GAK: variants seen among roughly 807,000 people sequenced by gnomAD.
GAK encodes cyclin G associated kinase.
Under a neutral mutation model 143.9 loss-of-function variants are expected in GAK, and 79 were observed. The observed-to-expected ratio is 0.55, with a 90% confidence interval of 0.46 to 0.66. GAK has a LOEUF of 0.66. Ranked by LOEUF, GAK falls within the 30% of genes least tolerant of loss-of-function variation. The pLI, the probability that GAK is intolerant of heterozygous loss-of-function variation, is 0.00. For synonymous variants in GAK, 881 were observed against 765.5 expected, an observed-to-expected ratio of 1.15 and a Z score of -2.49; for missense variants, 1,693 against 1,779.7, an observed-to-expected ratio of 0.95 and a Z score of 0.88.
chr4:915,054 AACACACACAGTCCCAGCGTGCACGGC>A (rs1722887222), intron 1 of GAK, among the ~76,000 whole-genome samples: 3 of 75,372 alleles, frequency 4.0e-5, no homozygotes, highest in Non-Finnish European at 7.5e-5. Flanking sequence ...GCACACGGCC[AACACACACAGTCCCAGCGTGCACGGC>A]CCCACACACA....
At chr4:912,859 A>T in intron 2 of GAK, 65 bp from the exon 3 acceptor site, 1 of 1,383,198 alleles carries the variant, frequency 7.2e-7, no homozygotes, top group Non-Finnish European at 1.0e-6. Context: ...CACCCGATGC[A>T]TCATCTCAGA....
chr4:899,777 G>A (rs1270649474), intron 5 of GAK, among the ~76,000 whole-genome samples: 1 of 152,218 alleles, frequency 6.6e-6, no homozygotes, highest in Non-Finnish European at 1.5e-5. Context: ...TAGAGAGGAC[G>A]CCTGCTCCGC....
intron 24 of GAK, chr4:852,214 A>G (rs2152679534): frequency 1.7e-6 from 1 of 585,296 alleles, no homozygotes. Context: ...ACACCAGGAC[A>G]GGGCAGCTGT....
chr4:902,611 A>AAAAAAAAAAAAAAAAC (rs1560401685), intron 5 of GAK, among the ~76,000 whole-genome samples: 1 of 149,830 alleles, frequency 6.7e-6, no homozygotes, highest in African/African-American at 2.5e-5. Flanking sequence ...AAAAAAAAAA[A>AAAAAAAAAAAAAAAAC]AAACCCCAAA....
chr4:916,416 G>A (rs79522619), intron 1 of GAK, among the ~76,000 whole-genome samples: 6 of 152,136 alleles, frequency 3.9e-5, no homozygotes, highest in East Asian at 3.9e-4. Context: ...CACCACACCC[G>A]GCTAATTTTT....
chr4:884,721 C>CAG (rs1039345383), intron 11 of GAK, among the ~76,000 whole-genome samples: 5 of 152,228 alleles, frequency 3.3e-5, no homozygotes, highest in Non-Finnish European at 7.3e-5. Flanking sequence ...TCACTGGCAG[C>CAG]AGCAGCTGTG....
chr4:864,184 C>A (rs1170916027), intron 23 of GAK, among the ~76,000 whole-genome samples: 2 of 152,024 alleles, frequency 1.3e-5, no homozygotes, highest in African/African-American at 4.8e-5. Flanking sequence ...CATGGCAAAA[C>A]TTTGTCTCCA....
At chr4:905,668 T>C (rs1222390905) in intron 4 of GAK, among the ~76,000 whole-genome samples, 1 of 142,738 alleles carries the variant, frequency 7.0e-6, no homozygotes, top group Non-Finnish European at 1.5e-5. Context: ...CTCTGCCACG[T>C]TGGGCCACAT....
intron 2 of GAK, among the ~76,000 whole-genome samples, chr4:913,396 G>A (rs1248579628): frequency 6.6e-6 from 1 of 152,170 alleles, no homozygotes; most frequent in East Asian, 1.9e-4. Flanking sequence ...AGGGCAGGCA[G>A]GGCCACAGGA....
rs372718341 is a variant in GAK, at chr4:867,153, G to A, written c.2675C>T (p.Ala892Val). 6 of 1,597,692 alleles carry A rather than the reference G, an allele frequency of 3.8e-6. No homozygotes were observed. The African/African-American group carries it at 8.0e-5, about 21-fold the overall frequency. Residue 892 changes from alanine to valine, a missense_variant, in exon 21 of 28, where the codon GCA becomes GTA. This residue lies in a region of GAK where 822 missense variants were observed against 788.7 expected (regional missense o/e 1.04). Coordinates refer to ENST00000314167, the MANE Select transcript of GAK (RefSeq NM_005255.4). ...GGCCTGCGGGGGTACAGCTGGCCCT[G>A]CGCCCACCTCGGAGTGCAGGCCCAG... ...DLLGLHSEVG[A>V]GPAVPPQACK...
chr4:890,489 C>G, intron 10 of GAK, 43 bp downstream of exon 10: 1 of 1,480,718 alleles, frequency 6.8e-7, no homozygotes, highest in South Asian at 1.2e-5. Flanking sequence ...CGGGGTGCAG[C>G]AGGAGCGAGG....
chr4:851,686 C>G, intron 25 of GAK, 64 bp downstream of exon 25: 1 of 1,512,056 alleles, frequency 6.6e-7, no homozygotes, highest in Non-Finnish European at 9.1e-7. Flanking sequence ...AACATAGGTT[C>G]TACCTTTAGC....
intron 16 of GAK, among the ~76,000 whole-genome samples, 183 bp from the exon 17 acceptor site, chr4:877,390 C>G (rs1178943165): frequency 1.3e-5 from 2 of 152,134 alleles, no homozygotes; most frequent in Non-Finnish European, 2.9e-5. Flanking sequence ...TCCCTGTGAC[C>G]TCCTGCTGCT....
At chr4:902,787 A>C (rs1322972094) in intron 5 of GAK, among the ~76,000 whole-genome samples, 1 of 152,100 alleles carries the variant, frequency 6.6e-6, no homozygotes, top group African/African-American at 2.4e-5. Context: ...CCGGCAGCAC[A>C]GGCGACACTT....
At chr4:890,670 C>G in intron 9 of GAK, 48 bp from the exon 10 acceptor site, 1 of 1,503,352 alleles carries the variant, frequency 6.7e-7, no homozygotes, top group Non-Finnish European at 9.1e-7. Context: ...TGACAACTCA[C>G]GCCTGCCCAC....
intron 24 of GAK, among the ~76,000 whole-genome samples, chr4:858,900 G>A (rs111412115): frequency 2.6e-5 from 4 of 152,242 alleles, no homozygotes; most frequent in Admixed American, 6.5e-5. Context: ...ATGCTGGAGC[G>A]TCCGGGGGTC....
intron 18 of GAK, among the ~76,000 whole-genome samples, chr4:873,950 C>T (rs986165886): frequency 5.3e-5 from 8 of 152,294 alleles, no homozygotes; most frequent in Middle Eastern, 3.4e-3. Context: ...ATCTATATCC[C>T]ACCTGGGTTT....
intron 1 of GAK, among the ~76,000 whole-genome samples, chr4:922,526 A>AT (rs1206061660): frequency 6.6e-6 from 1 of 151,436 alleles, no homozygotes; most frequent in African/African-American, 2.4e-5. Context: ...AAAAAAAAAA[A>AT]AAAAAAAAGG....
chr4:909,228 G>T (rs1258641455), intron 4 of GAK, among the ~76,000 whole-genome samples: 1 of 152,240 alleles, frequency 6.6e-6, no homozygotes, highest in East Asian at 1.9e-4. Flanking sequence ...CGAGCGGGAG[G>T]CCCCACGGCG....
Sources: allele counts gnomAD v4.1 joint callset (sites outside exome capture counted in the v4.1 genomes callset), GRCh38; gene constraint gnomAD v4.1.1; regional missense constraint gnomAD v4.1.1; transcripts MANE v1.5; gene names NCBI Gene and HGNC (gene_info 2026-07-23, HGNC 2026-07-21).